Variants in GSN observed in about 807,000 individuals in gnomAD.
The protein encoded by GSN is gelsolin, also known as actin-depolymerizing factor.
In GSN, 56 loss-of-function variants were observed where a neutral mutation model predicts 85.7. That is an observed-to-expected ratio of 0.65 (90% CI 0.53 to 0.82). The LOEUF is 0.82. Among genes scored for constraint, GSN ranks in the 40% least tolerant of loss-of-function variants. The pLI is 0.00. For missense variants in GSN, 857 were observed against 979.8 expected, an observed-to-expected ratio of 0.87 and a Z score of 1.67; for synonymous variants, 373 against 399.1, an observed-to-expected ratio of 0.93 and a Z score of 0.78.
rs57472504 is a variant in GSN, at chr9:121,332,061, GA to G, written c.2027-362del. Among the ~76,000 whole-genome samples the G allele has an allele frequency of 3.1e-4, 44 of 139,722 alleles. No individual in the cohort carries two copies. Among genetic ancestry groups the G allele is most frequent in the African/African-American group, 7.9e-4 (30 of 38,182 alleles). 91.7% of individuals were successfully genotyped at this position (139,722 alleles called of 152,430 possible). On this transcript the variant is annotated intron_variant, in intron 17 of 17. Coordinates refer to ENST00000432226, the MANE Select transcript of GSN (RefSeq NM_198252.3). This position sits in a 1 kb window ranked among gnomAD's most constrained non-coding sequence, Gnocchi z 4.8. Reference sequence around the variant, plus strand: ...ACAGAATGAGATGGTGTCTCAAAATGAAAAAAAAAAAGAAAAAGATGTTGCA... The same window carrying G: ...ACAGAATGAGATGGTGTCTCAAAATGAAAAAAAAAAGAAAAAGATGTTGCA...
chr9:121,329,338 C>G lies in GSN; in HGVS notation c.1965+23C>G. The G allele has an allele frequency of 7.2e-7, 1 of 1,387,094 alleles. No individual in the cohort carries two copies. The highest frequency in any genetic ancestry group is 1.0e-6 in the Non-Finnish European group (1 of 972,568). The allele number at this position is 1,387,094 out of a possible 1,614,324, so 85.9% of individuals were successfully genotyped here. On this transcript the variant is annotated intron_variant, in intron 16 of 17. Coordinates refer to ENST00000432226, the MANE Select transcript of GSN (RefSeq NM_198252.3). The surrounding 1 kb of genome is among the most constrained non-coding windows in gnomAD (Gnocchi z 4.6). Reference sequence around the variant, plus strand: ...CAGGTGGGTGAAGGACAGGTGAAGGCTCTCTGTGCCAGAGGGAGTGGGAGA... The same window carrying G: ...CAGGTGGGTGAAGGACAGGTGAAGGGTCTCTGTGCCAGAGGGAGTGGGAGA...
intron 5 of GSN, among the ~76,000 whole-genome samples, chr9:121,241,982 G>A (rs2054614200): frequency 6.6e-6 from 1 of 152,140 alleles, no homozygotes; most frequent in African/African-American, 2.4e-5. Context: ...ACAGATCTTG[G>A]TTCAAAATGT....
chr9:121,236,451 G>C, intron 5 of GSN, among the ~76,000 whole-genome samples: 1 of 152,072 alleles, frequency 6.6e-6, no homozygotes, highest in Non-Finnish European at 1.5e-5. Context: ...CTGACCTCGT[G>C]ATCTGCCCGC....
intron 4 of GSN, among the ~76,000 whole-genome samples, chr9:121,229,619 T>C (rs1254051085): frequency 6.6e-6 from 1 of 152,218 alleles, no homozygotes; most frequent in African/African-American, 2.4e-5. Context: ...TGGGCCAAAA[T>C]GCTATTCAGG....
chr9:121,312,285 G>T, intron 5 of GSN, 54 bp from the exon 6 acceptor site: 1 of 1,595,010 alleles, frequency 6.3e-7, no homozygotes. Context: ...CCCTGTCGCT[G>T]GGCGGGGCTT....
chr9:121,262,017 A>T (rs975568358), intron 6 of GSN, among the ~76,000 whole-genome samples: 9 of 152,298 alleles, frequency 5.9e-5, no homozygotes, highest in African/African-American at 2.2e-4. Context: ...TTTGTTTCTA[A>T]AGCACAGCAG....
At chr9:121,316,796 G>A (rs1589113344) in intron 7 of GSN, among the ~76,000 whole-genome samples, 2 of 152,244 alleles carry the variant, frequency 1.3e-5, no homozygotes, top group South Asian at 4.2e-4. Context: ...GAATAGTAAA[G>A]TTGAATACAT....
At chr9:121,217,676 G>A (rs2054091096) in intron 4 of GSN, among the ~76,000 whole-genome samples, 1 of 151,862 alleles carries the variant, frequency 6.6e-6, no homozygotes, top group African/African-American at 2.4e-5. Flanking sequence ...CTGAGGTACT[G>A]GGGGTTAGGA....
chr9:121,249,709 C>T (rs1277948288), intron 6 of GSN, among the ~76,000 whole-genome samples: 3 of 152,160 alleles, frequency 2.0e-5, no homozygotes, highest in Non-Finnish European at 4.4e-5. Context: ...TAAACAAGGT[C>T]ATGGTGAGAA....
intron 1 of GSN, among the ~76,000 whole-genome samples, chr9:121,271,963 C>G (rs185727408): frequency 6.6e-6 from 1 of 152,210 alleles, no homozygotes; most frequent in Middle Eastern, 3.2e-3. Context: ...CTCTCCTGCT[C>G]CTTGGTTATT....
Position 121,313,922 on chromosome 9 carries a change from T to C in GSN, c.664-12T>C. ...CAGCCACCCTTCCTCTCCATCTCTC[T>C]ATCTCCTACAGGTGCTGGGCCCCAA... On this transcript the variant is annotated splice_polypyrimidine_tract_variant and intron_variant, in intron 6 of 17. Coordinates refer to ENST00000432226, the MANE Select transcript of GSN (RefSeq NM_198252.3). 1 of 1,606,648 alleles carries C rather than the reference T, an allele frequency of 6.2e-7. No individual in the cohort carries two copies. Among genetic ancestry groups the C allele is most frequent in the Non-Finnish European group, 8.5e-7 (1 of 1,173,108 alleles).
At chr9:121,293,060 G>A (rs964838956) in intron 2 of GSN, among the ~76,000 whole-genome samples, 1 of 152,190 alleles carries the variant, frequency 6.6e-6, no homozygotes, top group Non-Finnish European at 1.5e-5. Context: ...ACACAGAAGG[G>A]CTTTGTTTGA....
intron 17 of GSN, 24 bp downstream of exon 17, chr9:121,331,472 C>CGGGG: frequency 7.2e-7 from 1 of 1,387,804 alleles, no homozygotes; most frequent in South Asian, 1.4e-5. Flanking sequence ...TGCCTGGGGG[C>CGGGG]GGGGGGAGGG....
intron 4 of GSN, among the ~76,000 whole-genome samples, chr9:121,306,541 G>A (rs940365518): frequency 9.9e-5 from 15 of 152,104 alleles, no homozygotes; most frequent in Admixed American, 6.5e-4. Flanking sequence ...CTCTCTGAAC[G>A]TATATAGGTA....
intron 5 of GSN, chr9:121,239,412 G>C: frequency 2.3e-6 from 1 of 426,294 alleles, no homozygotes; most frequent in Non-Finnish European, 4.6e-6. Flanking sequence ...TGAAGAACCA[G>C]GCAGTTTCCA....
chr9:121,319,520 G>A (rs1299855167), intron 10 of GSN, among the ~76,000 whole-genome samples: 1 of 148,450 alleles, frequency 6.7e-6, no homozygotes, highest in Non-Finnish European at 1.5e-5. Flanking sequence ...ACAGGGTCTC[G>A]CTATGTTGCC....
chr9:121,240,962 T>C (rs1052716970), intron 5 of GSN, among the ~76,000 whole-genome samples: 9 of 152,212 alleles, frequency 5.9e-5, no homozygotes, highest in African/African-American at 2.2e-4. Context: ...TTTGTTTGGC[T>C]TTTTTAAATA....
intron 2 of GSN, chr9:121,300,257 A>G (rs1226641010): frequency 1.2e-5 from 8 of 674,390 alleles, no homozygotes; most frequent in Non-Finnish European, 2.2e-5. Context: ...CTCCTCTAAC[A>G]TCTTACCTCC....
intron 5 of GSN, among the ~76,000 whole-genome samples, chr9:121,233,844 G>A (rs958743642): frequency 7.9e-5 from 12 of 152,188 alleles, no homozygotes; most frequent in African/African-American, 2.9e-4. Flanking sequence ...GTCACCTTGA[G>A]CAATTCCACC....
Sources: allele counts gnomAD v4.1 joint callset (sites outside exome capture counted in the v4.1 genomes callset), GRCh38; gene constraint gnomAD v4.1.1; non-coding constraint Gnocchi (gnomAD v3.1); transcripts MANE v1.5; gene names NCBI Gene and HGNC (gene_info 2026-07-23, HGNC 2026-07-21).